The following RPL12 variants were observed in gnomAD, a reference collection of about 807,000 sequenced individuals.
RPL12 encodes ribosomal protein L12, also known as large ribosomal subunit protein uL11.
In RPL12, 10 loss-of-function variants were observed where a neutral mutation model predicts 24.5. The ratio of observed to expected loss-of-function variants is 0.41; its 90% CI spans 0.25 to 0.69. The LOEUF (loss-of-function observed/expected upper bound fraction) is 0.69, where lower values mean the gene tolerates loss of function less well. RPL12 is among the 30% of genes least tolerant of loss of function. The probability of loss-of-function intolerance (pLI) is 0.33; values close to 1 mark genes in which losing one functional copy is unlikely to be tolerated. For synonymous variants in RPL12, 74 were observed against 76.1 expected (o/e 0.97, Z 0.14); for missense variants, 137 against 205.3 (o/e 0.67, Z 2.03).
chr9:127,450,517 G>A, intron 2 of RPL12: 1 of 522,404 alleles, frequency 1.9e-6, no homozygotes, highest in Non-Finnish European at 3.4e-6. Context: ...AAGCAGCAGT[G>A]GAGACACATG....
intron 2 of RPL12, chr9:127,450,059 TATTTGCTACTCTG>T (rs2131974885): frequency 4.3e-6 from 1 of 233,440 alleles, no homozygotes; most frequent in South Asian, 6.4e-5. Flanking sequence ...GAGGTCTGAT[TATTTGCTACTCTG>T]AAGTTCTCCT....
Position 127,448,375 on chromosome 9 carries a change from C to A in RPL12, c.341G>T (p.Arg114Leu). The change falls in exon 5 of 7, where the codon CGA becomes CTA. Residue 114 changes from arginine (R) to leucine (L), a missense_variant. Physicochemically the swap from Arg to Leu is moderately radical, Grantham distance 102. Around this residue, in one of 3 missense-constraint regions of RPL12, gnomAD observed 118 missense variants for 160.7 expected, o/e 0.73. Transcript: ENST00000361436. The part of the protein sequence containing the change: ...ITFDEIVNIA[R>L]QMRHRSLARE... ...GGCTAAGGATCGGTGCCGCATCTGT[C>A]GAGCAATGTTGACAATCTCATCAAA... is the stretch of plus-strand genomic sequence containing the variant. 1 of 1,613,992 alleles carries A rather than the reference C, an allele frequency of 6.2e-7. No homozygotes were observed. Among genetic ancestry groups the A allele is most frequent in the Non-Finnish European group, 8.5e-7 (1 of 1,179,886 alleles).
At chr9:127,448,757 T>A in intron 4 of RPL12, 1 of 444,768 alleles carries the variant, frequency 2.2e-6, no homozygotes, top group East Asian at 5.2e-5. Flanking sequence ...GTCTCCTGAT[T>A]ATAGGTCATT....
intron 2 of RPL12, chr9:127,450,414 C>T (rs1475719108): frequency 2.4e-5 from 7 of 288,692 alleles, no homozygotes; most frequent in Non-Finnish European, 3.9e-5. Flanking sequence ...ATGCCCACTT[C>T]CTGACGAGGA....
intron 4 of RPL12, 21 bp from the exon 5 acceptor site, chr9:127,448,444 A>G (rs1055282142): frequency 5.8e-6 from 9 of 1,541,218 alleles, no homozygotes; most frequent in Non-Finnish European, 9.0e-7. Flanking sequence ...GGAAACAGCA[A>G]AAGCTCTTTT....
At chr9:127,448,544 C>T (rs1156542377) in intron 4 of RPL12, 121 bp from the exon 5 acceptor site, 3 of 790,242 alleles carry the variant, frequency 3.8e-6, no homozygotes, top group African/African-American at 1.7e-5. Context: ...ACATGAAGAA[C>T]AACCCTGTTT....
At chr9:127,450,954 G>A (rs1411245441) in intron 1 of RPL12, 150 bp from the exon 2 acceptor site, 5 of 685,466 alleles carry the variant, frequency 7.3e-6, no homozygotes, top group African/African-American at 5.5e-5. Context: ...CCTCGGGTGT[G>A]GGCAGCTCCG....
intron 6 of RPL12, 31 bp downstream of exon 6, chr9:127,447,845 AC>A (rs768214532): frequency 6.2e-7 from 1 of 1,609,766 alleles, no homozygotes; most frequent in African/African-American, 1.3e-5. Context: ...CCCCCCTTTC[AC>A]CCCTACTGTA....
At chr9:127,450,965 A>G in intron 1 of RPL12, 161 bp from the exon 2 acceptor site, 3 of 666,786 alleles carry the variant, frequency 4.5e-6, no homozygotes, top group Middle Eastern at 4.1e-4. Context: ...GGCAGCTCCG[A>G]AACTCACACC....
intron 5 of RPL12, 80 bp from the exon 6 acceptor site, chr9:127,448,069 G>A (rs1016095806): frequency 4.1e-6 from 6 of 1,473,498 alleles, no homozygotes; most frequent in African/African-American, 2.8e-5. Context: ...TACTGAAGGG[G>A]TTCATAGCAG....
At chr9:127,451,201 C>A in intron 1 of RPL12, 80 bp downstream of exon 1, 2 of 1,567,918 alleles carry the variant, frequency 1.3e-6, no homozygotes, top group Admixed American at 1.8e-5. Context: ...TTAAGAGCCC[C>A]ATACGGGGAA....
rs772350512 is a variant in RPL12 at position 127,448,389 on chromosome 9, A to G, written c.327T>C (p.Ile109=). Reference sequence around the variant, plus strand: ...GCCGCATCTGTCGAGCAATGTTGACAATCTCATCAAAAGTGATATTCCCAC... The same window carrying G: ...GCCGCATCTGTCGAGCAATGTTGACGATCTCATCAAAAGTGATATTCCCAC... ...KHSGNITFDE[I]VNIARQMRHR... is the part of the protein sequence containing the mutation. Residue 109 remains isoleucine, a synonymous_variant, in exon 5 of 7, where the codon ATT becomes ATC. Transcript: ENST00000361436. 1.2e-5 allele frequency: 20 copies of G among 1,613,924 alleles called. No individual in the cohort carries two copies. The highest frequency in any genetic ancestry group is 8.0e-5 in the African/African-American group (6 of 74,928).
chr9:127,448,757 T>C (rs1032669489), intron 4 of RPL12: 10 of 444,674 alleles, frequency 2.2e-5, no homozygotes, highest in Non-Finnish European at 4.3e-5. Flanking sequence ...GTCTCCTGAT[T>C]ATAGGTCATT....
chr9:127,448,083 A>G, intron 5 of RPL12, 94 bp from the exon 6 acceptor site: 1 of 1,405,612 alleles, frequency 7.1e-7, no homozygotes, highest in Non-Finnish European at 9.6e-7. Context: ...ATAGCAGGCA[A>G]TGGAAGGAAT....
chr9:127,449,640 C>G lies in RPL12; in HGVS notation c.180G>C (p.Val60=). The stretch of plus-strand genomic sequence containing the variant: ...CCTGTCTGTTCTGAATGGTCAGTTT[C>G]ACTGTAATCCTCAGGCCCTTCCAGT... ...TGDWKGLRIT[V]KLTIQNRQAQ... is the part of the protein sequence containing the mutation. The change falls in exon 3 of 7, where the codon GTG becomes GTC. Residue 60 remains valine, a synonymous_variant. Transcript: ENST00000361436. 1 of 1,614,154 alleles carries G rather than the reference C, an allele frequency of 6.2e-7. No individual in the cohort carries two copies. Among genetic ancestry groups the G allele is most frequent in the Non-Finnish European group, 8.5e-7 (1 of 1,180,006 alleles).
chr9:127,447,810 T>C (rs1834198192), intron 6 of RPL12, 67 bp downstream of exon 6: 1 of 1,612,330 alleles, frequency 6.2e-7, no homozygotes, highest in South Asian at 1.1e-5. Context: ...ACTTCCCAGC[T>C]TATCTCTGTG....
intron 1 of RPL12, 123 bp from the exon 2 acceptor site, chr9:127,450,927 C>A: frequency 1.3e-6 from 1 of 778,222 alleles, no homozygotes; most frequent in Non-Finnish European, 2.1e-6. Flanking sequence ...GAGCGCGAGG[C>A]GGGCCACCCG....
intron 3 of RPL12, 42 bp downstream of exon 3, chr9:127,449,568 T>TGGG: frequency 1.3e-6 from 2 of 1,536,428 alleles, no homozygotes; most frequent in Non-Finnish European, 1.8e-6. Context: ...TTGCTACCTG[T>TGGG]CCCCCCACCC....
chr9:127,451,372 G>C lies in RPL12; in HGVS notation c.-55C>G. 4.4e-6 allele frequency: 7 copies of C among 1,608,100 alleles called. No individual in the cohort carries two copies. Among genetic ancestry groups the C allele is most frequent in the Non-Finnish European group, 4.2e-6 (5 of 1,178,154 alleles). On this transcript the variant is annotated 5_prime_UTR_variant, in exon 1 of 7. Coordinates refer to ENST00000361436, the MANE Select transcript of RPL12 (RefSeq NM_000976.4). ...GGATTCGGGACGACCGAAGGAAGTTGCACCTTGGCCTCCTCCGAGCCGAAA... is the reference window on the plus strand; with the variant it reads ...GGATTCGGGACGACCGAAGGAAGTTCCACCTTGGCCTCCTCCGAGCCGAAA...
Sources: gnomAD v4.1 joint callset for allele counts on GRCh38, gnomAD v4.1.1 for gene constraint, gnomAD v4.1.1 regional missense constraint, MANE v1.5 for transcripts, NCBI Gene and HGNC (gene_info 2026-07-23, HGNC 2026-07-21) for gene names.